The following LUZP1 variants were observed in gnomAD, a reference collection of about 807,000 sequenced individuals.
The protein encoded by LUZP1 is filamin mechanobinding actin cross-linking protein.
In LUZP1, 25 loss-of-function variants were observed where a neutral mutation model predicts 71.3. The observed-to-expected ratio is 0.35, with a 90% CI of 0.26 to 0.49. The LOEUF (loss-of-function observed/expected upper bound fraction) is 0.49, where lower values mean the gene tolerates loss of function less well. Ranked by LOEUF, LUZP1 falls within the 20% of genes least tolerant of loss-of-function variation. LUZP1 has a pLI of 0.99. For missense variants in LUZP1, 1,142 were observed against 1,300.8 expected (o/e 0.88, Z 1.88); for synonymous variants, 481 against 506.4 (o/e 0.95, Z 0.67).
At chr1:23,149,152 A>G (rs959224767) in intron 2 of LUZP1, among the ~76,000 whole-genome samples, 5 of 151,838 alleles carry the variant, frequency 3.3e-5, no homozygotes, top group African/African-American at 9.7e-5. Flanking sequence ...TGAAAACAAC[A>G]TAAGACTTTT....
intron 2 of LUZP1, among the ~76,000 whole-genome samples, chr1:23,116,495 G>C (rs1394870119): frequency 6.6e-6 from 1 of 151,196 alleles, no homozygotes; most frequent in East Asian, 1.9e-4. Flanking sequence ...CTGGGTGACA[G>C]AGCAAGACCC....
At chr1:23,098,849 C>T (rs369501111) in intron 3 of LUZP1, among the ~76,000 whole-genome samples, 1 of 152,184 alleles carries the variant, frequency 6.6e-6, no homozygotes, top group Non-Finnish European at 1.5e-5. Flanking sequence ...ACGCCAAATG[C>T]CAATTCTCTC....
chr1:23,159,512 T>C (rs926802958), intron 2 of LUZP1, among the ~76,000 whole-genome samples: 2 of 152,168 alleles, frequency 1.3e-5, no homozygotes, highest in African/African-American at 4.8e-5. Flanking sequence ...TCCTCATCTG[T>C]AAAATGGGGT....
At chr1:23,124,869 A>G (rs1314729086) in intron 2 of LUZP1, among the ~76,000 whole-genome samples, 1 of 152,202 alleles carries the variant, frequency 6.6e-6, no homozygotes, top group African/African-American at 2.4e-5. Context: ...AATGAAACCT[A>G]CAGACTTTCG....
exon 5 of LUZP1, chr1:23,084,081 A>G (rs553793418): frequency 1.3e-5 from 2 of 152,318 alleles, no homozygotes; most frequent in South Asian, 4.1e-4. Context: ...GGTATGTGCT[A>G]AAACTTCCCA....
rs1466749742 is a variant in LUZP1 at position 23,093,296 on chromosome 1, A to C, written c.966T>G (p.Leu322=). 1 of 1,610,964 alleles carries C rather than the reference A, an allele frequency of 6.2e-7. No homozygotes were observed. Among genetic ancestry groups the C allele is most frequent in the East Asian group, 2.2e-5 (1 of 44,868 alleles). Reference sequence around the variant, plus strand: ...TTTGTTCACTTAGGTAATTATCCTGAAGGTCGTTATTTTTGGACTTCATTT... The same window carrying C: ...TTTGTTCACTTAGGTAATTATCCTGCAGGTCGTTATTTTTGGACTTCATTT... The change falls in exon 4 of 5, where the codon CTT becomes CTG. Residue 322 remains leucine, a synonymous_variant. Transcript: ENST00000302291. This position sits in a 1 kb window ranked among gnomAD's most constrained non-coding sequence, Gnocchi z 4.2.
chr1:23,085,965 A>C (rs2124571660), exon 5 of LUZP1: 1 of 152,346 alleles, frequency 6.6e-6, no homozygotes, highest in South Asian at 2.1e-4. Context: ...ACCCTCCAAC[A>C]ACCATACACC....
In LUZP1 at chr1:23,093,362, T is replaced by C. The variant is rs1983965; in HGVS notation, c.900A>G (p.Thr300=). The C allele has an allele frequency of 0.81, 1,308,539 of 1,613,108 alleles. 536,193 individuals carry two copies. The highest frequency in any genetic ancestry group is 0.84 in the Non-Finnish European group (986,876 of 1,179,788). ...CCAACGATTCAAAGTGTTTGATTTG[T>C]GTCTTAAGTTTCTCAATCTCTTGGT... The change falls in exon 4 of 5, where the codon ACA becomes ACG. Residue 300 remains threonine, a synonymous_variant. Transcript: ENST00000302291. This position sits in a 1 kb window ranked among gnomAD's most constrained non-coding sequence, Gnocchi z 4.2.
At chr1:23,090,944 C>A in intron 4 of LUZP1, 1 of 718,456 alleles carries the variant, frequency 1.4e-6, no homozygotes, top group South Asian at 1.5e-5. Context: ...TTTATGTCAC[C>A]TTCATATACG....
chr1:23,124,594 C>G (rs951536587), intron 2 of LUZP1, among the ~76,000 whole-genome samples: 16 of 152,242 alleles, frequency 1.1e-4, no homozygotes, highest in Non-Finnish European at 1.3e-4. Flanking sequence ...AAGCAAGATA[C>G]AATTATCACT....
At chr1:23,153,927 C>A (rs1394652288) in intron 2 of LUZP1, among the ~76,000 whole-genome samples, 1 of 152,042 alleles carries the variant, frequency 6.6e-6, no homozygotes, top group Non-Finnish European at 1.5e-5. Context: ...CACACACAAC[C>A]CAAATGCTCC....
chr1:23,125,010 T>C (rs990162084), intron 2 of LUZP1, among the ~76,000 whole-genome samples: 9 of 152,142 alleles, frequency 5.9e-5, no homozygotes, highest in Non-Finnish European at 8.8e-5. Context: ...TTAAGCCAAA[T>C]AAATCAAGCT....
intron 2 of LUZP1, among the ~76,000 whole-genome samples, chr1:23,138,095 C>T (rs778658965): frequency 6.6e-6 from 1 of 152,166 alleles, no homozygotes; most frequent in Non-Finnish European, 1.5e-5. Flanking sequence ...CTTAGCCTCC[C>T]AAGTAGCTGG....
intron 3 of LUZP1, among the ~76,000 whole-genome samples, chr1:23,098,160 G>A (rs796082975): frequency 1.1e-4 from 17 of 152,322 alleles, no homozygotes; most frequent in African/African-American, 3.8e-4. Flanking sequence ...GAACCAGATC[G>A]AAGCACTGCA....
intron 2 of LUZP1, among the ~76,000 whole-genome samples, chr1:23,158,379 A>G (rs1336725616): frequency 1.3e-5 from 2 of 152,312 alleles, no homozygotes; most frequent in Non-Finnish European, 1.5e-5. Context: ...GGCTAGGCGC[A>G]GTGGCTCACG....
At chr1:23,118,376 C>T (rs776483843) in intron 2 of LUZP1, among the ~76,000 whole-genome samples, 7 of 151,996 alleles carry the variant, frequency 4.6e-5, no homozygotes, top group Admixed American at 2.0e-4. Flanking sequence ...TCAGCCTGGG[C>T]AAGAGAGCAA....
At chr1:23,162,969 C>T (rs183536045) in intron 2 of LUZP1, among the ~76,000 whole-genome samples, 3 of 152,078 alleles carry the variant, frequency 2.0e-5, no homozygotes, top group African/African-American at 2.4e-5. Context: ...AGGCTGGGTG[C>T]GGTGGCTCAC....
intron 2 of LUZP1, among the ~76,000 whole-genome samples, chr1:23,167,026 G>A (rs886224676): frequency 2.0e-5 from 3 of 152,030 alleles, no homozygotes; most frequent in Non-Finnish European, 4.4e-5. Context: ...ATTCTTCTAG[G>A]AGTAAATTGA....
At chr1:23,129,261 A>G (rs1227904230) in intron 2 of LUZP1, among the ~76,000 whole-genome samples, 1 of 152,168 alleles carries the variant, frequency 6.6e-6, no homozygotes, top group Non-Finnish European at 1.5e-5. Context: ...ATTAATGACC[A>G]TTGCCTTATC....
Sources: gnomAD v4.1 joint callset for allele counts (sites outside exome capture counted in the v4.1 genomes callset) on GRCh38, gnomAD v4.1.1 for gene constraint, Gnocchi (gnomAD v3.1) non-coding constraint, MANE v1.5 for transcripts, NCBI Gene and HGNC (gene_info 2026-07-23, HGNC 2026-07-21) for gene names.